The following VIPAS39 variants were observed in gnomAD, a reference collection of about 807,000 sequenced individuals.
VIPAS39 encodes the protein VPS33B interacting protein, apical-basolateral polarity regulator, spe-39 homolog.
In VIPAS39, 63 loss-of-function variants were observed where a neutral mutation model predicts 84.7. The observed-to-expected ratio is 0.74, with a 90% CI of 0.61 to 0.92. The LOEUF is 0.92. Ranked by LOEUF, VIPAS39 falls within the 40% of genes least tolerant of loss-of-function variation. The pLI, the probability that VIPAS39 is intolerant of heterozygous loss-of-function variation, is 0.00. For synonymous variants in VIPAS39, 192 were observed against 216.5 expected (o/e 0.89, Z 0.99); for missense variants, 499 against 604.5 (o/e 0.83, Z 1.83).
At position 77,435,298 on chromosome 14, in the gene VIPAS39, T is replaced by G. The variant is rs759290356; in HGVS notation, c.1008A>C (p.Thr336=). 6.7e-5 allele frequency: 108 copies of G among 1,613,812 alleles called. No homozygotes were observed. The highest frequency in any genetic ancestry group is 8.3e-5 in the Non-Finnish European group (98 of 1,180,000). Residue 336 remains threonine (T), a synonymous_variant, in exon 14 of 20, where the codon ACA becomes ACC. Transcript: ENST00000557658. The part of the protein sequence containing the change: ...ASILNMPLVT[T]LFYSCFYHYT... The stretch of plus-strand genomic sequence containing the variant: ...AGTGATAGAAGCAGGAGTAGAAAAG[T>G]GTTGTCACTAGTGGCATGTTGAGGA...
At position 77,451,237 on chromosome 14, in the gene VIPAS39, G is replaced by A. The variant is rs186120678; in HGVS notation, c.293C>T (p.Ala98Val). 5 of 1,614,232 alleles carry A rather than the reference G, an allele frequency of 3.1e-6. No homozygotes were observed. Among genetic ancestry groups the A allele is most frequent in the Middle Eastern group, 1.6e-4 (1 of 6,062 alleles). The change falls in exon 4 of 20, where the codon GCA (alanine) becomes GTA (valine). Residue 98 changes from alanine to valine, a missense_variant. Transcript: ENST00000557658. ...GGTAGAAGTAGGCTTGGGTAGTTGT[G>A]CATAGGAGGAGAAGCTGTTTCGGCT... ...LKSRNSFSSY[A>V]QLPKPTSTYS...
chr14:77,448,372 G>C (rs2078829972), intron 7 of VIPAS39, 122 bp downstream of exon 7: 1 of 1,051,862 alleles, frequency 9.5e-7, no homozygotes, highest in South Asian at 1.3e-5. Flanking sequence ...AACCTTAGTG[G>C]ATTTATTTTC....
chr14:77,447,991 A>G (rs2078821924), intron 7 of VIPAS39, among the ~76,000 whole-genome samples: 1 of 115,250 alleles, frequency 8.7e-6, no homozygotes, highest in Non-Finnish European at 1.7e-5. Context: ...ACGGAGTCTC[A>G]CTCACCAGGC....
chr14:77,445,338 G>A (rs2078771452), intron 7 of VIPAS39, among the ~76,000 whole-genome samples: 1 of 152,194 alleles, frequency 6.6e-6, no homozygotes. Context: ...GGTCATTCAT[G>A]TATCTTCTTT....
chr14:77,439,250 T>G (rs1331892745), intron 11 of VIPAS39, among the ~76,000 whole-genome samples: 2 of 152,192 alleles, frequency 1.3e-5, no homozygotes, highest in Non-Finnish European at 2.9e-5. Context: ...AATAAAGTTT[T>G]AGATAAAAAT....
At chr14:77,451,039 T>C in intron 4 of VIPAS39, 148 bp downstream of exon 4, 1 of 1,127,718 alleles carries the variant, frequency 8.9e-7, no homozygotes, top group South Asian at 1.3e-5. Flanking sequence ...CTCTCATTTA[T>C]CTCGCTCCTA....
intron 1 of VIPAS39, chr14:77,457,111 G>GTTTCAAT: frequency 7.1e-7 from 1 of 1,412,214 alleles, no homozygotes; most frequent in East Asian, 2.6e-5. Context: ...GTCAGACTTG[G>GTTTCAAT]TTTCAATTAT....
Position 77,454,108 on chromosome 14 carries a change from G to A in VIPAS39, c.1-6C>T, listed in dbSNP as rs1391509089. ...TCACCCTTTGTCCGATTCATCTACAGTGACAGGAAAACATACATTGCCCCT... is the reference window on the plus strand; with the variant it reads ...TCACCCTTTGTCCGATTCATCTACAATGACAGGAAAACATACATTGCCCCT... On this transcript the variant is annotated splice_region_variant and splice_polypyrimidine_tract_variant and intron_variant, in intron 1 of 19. Coordinates refer to ENST00000557658, the MANE Select transcript of VIPAS39 (RefSeq NM_001193315.2). The A allele has an allele frequency of 1.9e-6, 3 of 1,613,984 alleles. No homozygotes were observed. The highest frequency in any genetic ancestry group is 1.1e-5 in the South Asian group (1 of 91,078).
Position 77,427,513 on chromosome 14 carries a change from G to A in VIPAS39, c.*103C>T, listed in dbSNP as rs1594887849. On this transcript the variant is annotated 3_prime_UTR_variant, in exon 20 of 20. Coordinates refer to ENST00000557658, the MANE Select transcript of VIPAS39 (RefSeq NM_001193315.2). ...AGCTGGCACTGCCCATGGGTAATGG[G>A]CCCAAGCGATGTGATGCCGCAGCTC... 1.4e-6 allele frequency: 2 copies of A among 1,469,710 alleles called. No homozygotes were observed. The highest frequency in any genetic ancestry group is 2.3e-5 in the East Asian group (1 of 43,870). The allele number at this position is 1,469,710 out of a possible 1,614,324, so 91.0% of individuals were successfully genotyped here. A position where few individuals can be genotyped will look rare whatever the true frequency, so the allele number is the denominator to read the frequency against.
Position 77,428,425 on chromosome 14 carries a change from T to C in VIPAS39, c.1406A>G (p.Lys469Arg), listed in dbSNP as rs2078465262. The C allele has an allele frequency of 6.2e-7, 1 of 1,614,128 alleles. No individual in the cohort carries two copies. Among genetic ancestry groups the C allele is most frequent in the Non-Finnish European group, 8.5e-7 (1 of 1,180,012 alleles). Residue 469 changes from lysine to arginine, a missense_variant, in exon 19 of 20, where the codon AAG becomes AGG. Lys to Arg is a conservative substitution (Grantham distance 26). Coordinates refer to ENST00000557658, the MANE Select transcript of VIPAS39 (RefSeq NM_001193315.2). ...DRQQLLAYRSKVDKGSAEEEK... is the reference protein window; with the variant it reads ...DRQQLLAYRSRVDKGSAEEEK... ...CTCCTCTGCTGATCCTTTATCTACCTTACTCCTGTATGCTAGCAACTGTTG... is the reference window on the plus strand; with the variant it reads ...CTCCTCTGCTGATCCTTTATCTACCCTACTCCTGTATGCTAGCAACTGTTG...
At chr14:77,436,008 G>C (rs1435178650) in intron 12 of VIPAS39, 89 bp from the exon 13 acceptor site, 7 of 1,290,410 alleles carry the variant, frequency 5.4e-6, no homozygotes, top group Non-Finnish European at 7.9e-6. Context: ...AAGTATAAGA[G>C]GCTCACGGTG....
intron 7 of VIPAS39, 75 bp downstream of exon 7, chr14:77,448,419 A>G: frequency 7.4e-7 from 1 of 1,353,130 alleles, no homozygotes; most frequent in Non-Finnish European, 1.1e-6. Context: ...AACTGAAGAG[A>G]GGTCAAGAAA....
At chr14:77,436,787 A>C (rs2078619087) in intron 12 of VIPAS39, among the ~76,000 whole-genome samples, 1 of 152,136 alleles carries the variant, frequency 6.6e-6, no homozygotes, top group Non-Finnish European at 1.5e-5. Flanking sequence ...GCGTCTTGCC[A>C]AAAAGTCATG....
rs1315017186 is a variant in VIPAS39 at position 77,449,308 on chromosome 14, G to A, written c.432C>T (p.Pro144=). The A allele has an allele frequency of 6.2e-7, 1 of 1,614,188 alleles. No homozygotes were observed. The highest frequency in any genetic ancestry group is 1.3e-5 in the African/African-American group (1 of 75,050). The stretch of plus-strand genomic sequence containing the variant: ...TGTAACTCACCCTATACTCCCCTTT[G>A]GGTCTCCCCAGCTCTGGAGCATAGC... The part of the protein sequence containing the change: ...AKSYAPELGR[P]KGEYRDYSND... Residue 144 remains proline (P), a synonymous_variant, in exon 6 of 20, where the codon CCC becomes CCT. Coordinates refer to ENST00000557658, the MANE Select transcript of VIPAS39 (RefSeq NM_001193315.2).
At chr14:77,450,748 A>G (rs902423052) in intron 4 of VIPAS39, among the ~76,000 whole-genome samples, 7 of 152,166 alleles carry the variant, frequency 4.6e-5, no homozygotes, top group African/African-American at 1.7e-4. Flanking sequence ...ACCTCAGGTG[A>G]TCCACCTGCC....
intron 11 of VIPAS39, 58 bp downstream of exon 11, chr14:77,441,008 G>A: frequency 6.2e-7 from 1 of 1,604,954 alleles, no homozygotes; most frequent in Non-Finnish European, 8.5e-7. Context: ...GTGAGCCACT[G>A]TGCCCAGCCT....
intron 17 of VIPAS39, 25 bp downstream of exon 17, chr14:77,429,656 C>T: frequency 3.1e-6 from 5 of 1,610,654 alleles, no homozygotes; most frequent in Non-Finnish European, 4.2e-6. Context: ...ATATCCTGTA[C>T]CCAACTCTCT....
chr14:77,428,892 A>C (rs1051001699), intron 18 of VIPAS39, 114 bp downstream of exon 18: 2 of 942,262 alleles, frequency 2.1e-6, no homozygotes, highest in Non-Finnish European at 3.4e-6. Flanking sequence ...TATTCTGTCC[A>C]TTCAGTCAAA....
At chr14:77,434,551 T>A (rs1327961269) in intron 14 of VIPAS39, among the ~76,000 whole-genome samples, 3 of 152,002 alleles carry the variant, frequency 2.0e-5, no homozygotes, top group Non-Finnish European at 4.4e-5. Context: ...AAGGAGAAAA[T>A]GTCTGCCTGT....
Sources: allele counts gnomAD v4.1 joint callset (sites outside exome capture counted in the v4.1 genomes callset), GRCh38; gene constraint gnomAD v4.1.1; transcripts MANE v1.5; gene names NCBI Gene and HGNC (gene_info 2026-07-23, HGNC 2026-07-21).